ADAMTS16: variants seen among roughly 807,000 people sequenced by gnomAD.
The protein encoded by ADAMTS16 is A disintegrin and metalloproteinase with thrombospondin motifs 16.
A neutral mutation model predicts 145.8 loss-of-function variants in ADAMTS16; 94 were observed. The observed-to-expected ratio is 0.64, with a 90% CI of 0.55 to 0.77. ADAMTS16 has a LOEUF of 0.77. Ranked by LOEUF, ADAMTS16 falls within the 30% of genes least tolerant of loss-of-function variation. The pLI, the probability that ADAMTS16 is intolerant of heterozygous loss-of-function variation, is 0.00. For synonymous variants in ADAMTS16, 659 were observed against 604.3 expected (o/e 1.09, Z -1.33); for missense variants, 1,585 against 1,591.5 (o/e 1.00, Z 0.07).
intron 11 of ADAMTS16, 62 bp from the exon 12 acceptor site, chr5:5,232,306 G>T: frequency 1.3e-6 from 2 of 1,592,654 alleles, no homozygotes; most frequent in South Asian, 2.2e-5. Context: ...TAGCAGTGAT[G>T]AGATGAACCC....
At chr5:5,142,249 C>A (rs1734188383) in intron 2 of ADAMTS16, 2 of 152,324 alleles carry the variant, frequency 1.3e-5, no homozygotes, top group African/African-American at 2.4e-5. Context: ...TAAAGTGATT[C>A]AATCTGCTTC....
chr5:5,266,099 C>T (rs1021977949), intron 18 of ADAMTS16, among the ~76,000 whole-genome samples: 1 of 151,600 alleles, frequency 6.6e-6, no homozygotes, highest in African/African-American at 2.4e-5. Flanking sequence ...TGTTAAATCT[C>T]AGGGTAATTG....
At chr5:5,171,702 G>A (rs1377825944) in intron 3 of ADAMTS16, among the ~76,000 whole-genome samples, 1 of 152,046 alleles carries the variant, frequency 6.6e-6, no homozygotes, top group Non-Finnish European at 1.5e-5. Flanking sequence ...TTGCATCAAT[G>A]TTCATCAGGG....
intron 18 of ADAMTS16, among the ~76,000 whole-genome samples, chr5:5,278,496 C>A (rs1488801399): frequency 6.6e-6 from 1 of 152,232 alleles, no homozygotes; most frequent in African/African-American, 2.4e-5. Flanking sequence ...CTAAGCAGAG[C>A]TCCCTGATTC....
chr5:5,201,555 C>T (rs1422269150), intron 9 of ADAMTS16, among the ~76,000 whole-genome samples: 1 of 151,380 alleles, frequency 6.6e-6, no homozygotes, highest in African/African-American at 2.4e-5. Flanking sequence ...TTTTAAGTAA[C>T]AGCTTTAATG....
At chr5:5,316,055 C>G (rs1396484138) in intron 21 of ADAMTS16, among the ~76,000 whole-genome samples, 1 of 152,150 alleles carries the variant, frequency 6.6e-6, no homozygotes, top group African/African-American at 2.4e-5. Context: ...TGACTTGCTC[C>G]ATCACTGAAT....
chr5:5,287,826 C>T (rs555123266), intron 18 of ADAMTS16, among the ~76,000 whole-genome samples: 2 of 152,272 alleles, frequency 1.3e-5, no homozygotes, highest in African/African-American at 2.4e-5. Context: ...GTGGATGGTC[C>T]TAACTGGCCA....
intron 17 of ADAMTS16, among the ~76,000 whole-genome samples, chr5:5,261,447 C>T (rs559303865): frequency 3.3e-5 from 5 of 151,550 alleles, no homozygotes; most frequent in Admixed American, 2.6e-4. Context: ...CCTGCATTCA[C>T]TCTTTAATAT....
chr5:5,184,727 G>A (rs1001682115), intron 4 of ADAMTS16, among the ~76,000 whole-genome samples: 2 of 151,936 alleles, frequency 1.3e-5, no homozygotes, highest in Admixed American at 6.6e-5. Flanking sequence ...AACGTTGCAA[G>A]CTCCATATTG....
At chr5:5,266,675 G>A (rs1738249872) in intron 18 of ADAMTS16, among the ~76,000 whole-genome samples, 1 of 152,174 alleles carries the variant, frequency 6.6e-6, no homozygotes, top group Non-Finnish European at 1.5e-5. Flanking sequence ...TTTGGGGATG[G>A]CCCCAGTGGG....
At chr5:5,245,317 T>G (rs1035266407) in intron 17 of ADAMTS16, among the ~76,000 whole-genome samples, 10 of 152,166 alleles carry the variant, frequency 6.6e-5, no homozygotes, top group Non-Finnish European at 1.5e-4. Context: ...AAATCCAAAA[T>G]GAATCTCATT....
In ADAMTS16 at chr5:5,306,558, A is replaced by G; in HGVS notation, c.3241A>G (p.Lys1081Glu). 1 of 1,614,204 alleles carries G rather than the reference A, an allele frequency of 6.2e-7. No homozygotes were observed. The highest frequency in any genetic ancestry group is 8.5e-7 in the Non-Finnish European group (1 of 1,180,050). ...TQKRFLKCAE[K>E]YVSGKYRELA... is the part of the protein sequence containing the mutation. ...GAAAAGATTCTTAAAATGTGCTGAAAAGTATGTTTCTGGAAAGTATCGAGA... is the reference window on the plus strand; with the variant it reads ...GAAAAGATTCTTAAAATGTGCTGAAGAGTATGTTTCTGGAAAGTATCGAGA... Residue 1081 changes from lysine (K) to glutamate (E), a missense_variant, in exon 21 of 23, where the codon AAG becomes GAG. Lys to Glu is a moderately conservative substitution (Grantham distance 56). Coordinates refer to ENST00000274181, the MANE Select transcript of ADAMTS16 (RefSeq NM_139056.4).
chr5:5,208,272 G>A (rs1736183884), intron 9 of ADAMTS16, among the ~76,000 whole-genome samples: 2 of 152,164 alleles, frequency 1.3e-5, no homozygotes, highest in African/African-American at 2.4e-5. Flanking sequence ...CAAGTTTGGA[G>A]GATGATCTGC....
chr5:5,201,109 T>C (rs1442720377), intron 9 of ADAMTS16, among the ~76,000 whole-genome samples: 1 of 152,194 alleles, frequency 6.6e-6, no homozygotes, highest in East Asian at 1.9e-4. Context: ...GACCCAGGTT[T>C]CTTCCATCCT....
intron 18 of ADAMTS16, among the ~76,000 whole-genome samples, chr5:5,299,514 A>AT (rs11290403): frequency 2.0e-5 from 3 of 151,710 alleles, no homozygotes; most frequent in Admixed American, 6.6e-5. Context: ...TGTCATTTTA[A>AT]TTTTTTTTTT....
intron 3 of ADAMTS16, among the ~76,000 whole-genome samples, chr5:5,177,723 A>G (rs1470722035): frequency 6.6e-6 from 1 of 152,224 alleles, no homozygotes; most frequent in Non-Finnish European, 1.5e-5. Context: ...CCTAGAATGA[A>G]TAGAATATTC....
intron 18 of ADAMTS16, among the ~76,000 whole-genome samples, chr5:5,300,622 C>T (rs11134108): frequency 0.74 from 112,410 of 152,144 alleles, 41,945 homozygotes; most frequent in South Asian, 0.82. Flanking sequence ...TCATGGTGCT[C>T]GGTTTAAAGG....
At chr5:5,192,413 A>G (rs1385282035) in intron 8 of ADAMTS16, among the ~76,000 whole-genome samples, 1 of 152,062 alleles carries the variant, frequency 6.6e-6, no homozygotes, top group East Asian at 1.9e-4. Flanking sequence ...CAACCCTCCC[A>G]TTGCTTCCTG....
chr5:5,153,579 T>C (rs1036897532), intron 3 of ADAMTS16, among the ~76,000 whole-genome samples: 1 of 152,218 alleles, frequency 6.6e-6, no homozygotes, highest in African/African-American at 2.4e-5. Context: ...TATAGTTTAT[T>C]AATAAATCGT....
Sources: allele counts gnomAD v4.1 joint callset (sites outside exome capture counted in the v4.1 genomes callset), GRCh38; gene constraint gnomAD v4.1.1; transcripts MANE v1.5; gene names NCBI Gene and HGNC (gene_info 2026-07-23, HGNC 2026-07-21).